The following ITGAE variants were observed in gnomAD, a reference collection of about 807,000 sequenced individuals.
ITGAE encodes the protein integrin subunit alpha E.
In ITGAE, 99 loss-of-function variants were observed where a neutral mutation model predicts 136.5. The ratio of observed to expected loss-of-function variants is 0.73; its 90% CI spans 0.62 to 0.86. The LOEUF is 0.86. Among genes scored for constraint, ITGAE ranks in the 40% least tolerant of loss-of-function variants. ITGAE has a pLI of 0.00. For synonymous variants in ITGAE, 613 were observed against 591.8 expected, an observed-to-expected ratio of 1.04 and a Z score of -0.52; for missense variants, 1,447 against 1,515.3, an observed-to-expected ratio of 0.95 and a Z score of 0.75.
Position 3,755,160 on chromosome 17 carries a change from C to G in ITGAE, c.1341G>C (p.Ala447=), listed in dbSNP as rs761960415. The change falls in exon 12 of 31, where the codon GCG becomes GCC. Residue 447 remains alanine, a synonymous_variant. Coordinates refer to ENST00000263087, the MANE Select transcript of ITGAE (RefSeq NM_002208.5). ...CAGCCTCCGCGTCTGCCGCCGCCGC[C>G]GCTGTCTGGTTCAGGAAGCGGCCCC... ...SRRGRFLNQT[A]AAAADAEAAQ... is the part of the protein sequence containing the mutation. 6.3e-5 allele frequency: 98 copies of G among 1,544,552 alleles called. No homozygotes were observed. Among genetic ancestry groups the G allele is most frequent in the Non-Finnish European group, 8.4e-5 (96 of 1,141,982 alleles).
rs370842879 is a variant in ITGAE, at chr17:3,755,912, G to A, written c.1172-15C>T. On this transcript the variant is annotated splice_polypyrimidine_tract_variant and intron_variant, in intron 10 of 30. Transcript: ENST00000263087. ...TCCAACCGTGCCTGCAAGCCAAGAA[G>A]CCCAGTGAGACTGCTGTGGGCCGAG... The A allele has an allele frequency of 6.3e-6, 10 of 1,587,046 alleles. No individual in the cohort carries two copies. The African/African-American group carries it at 8.0e-5, about 13-fold the overall frequency.
intron 2 of ITGAE, among the ~76,000 whole-genome samples, chr17:3,772,197 A>C (rs1279275685): frequency 6.6e-6 from 1 of 152,096 alleles, no homozygotes; most frequent in Non-Finnish European, 1.5e-5. Context: ...GACGCTGATG[A>C]ACACACCTGC....
intron 1 of ITGAE, among the ~76,000 whole-genome samples, chr17:3,796,108 CCTGTGTGCATCCCT>C (rs2053086117): frequency 8.0e-5 from 2 of 25,058 alleles, no homozygotes; most frequent in African/African-American, 3.2e-4. Context: ...TGTGTGCATC[CCTGTGTGCATCCCT>C]GTGTGTGCAT....
chr17:3,766,060 C>G (rs985058424), intron 2 of ITGAE, among the ~76,000 whole-genome samples: 2 of 152,116 alleles, frequency 1.3e-5, no homozygotes, highest in African/African-American at 4.8e-5. Flanking sequence ...GGGGGTTATC[C>G]TGGATTATCT....
chr17:3,773,762 G>C (rs1335723885), intron 2 of ITGAE, among the ~76,000 whole-genome samples: 2 of 152,134 alleles, frequency 1.3e-5, no homozygotes, highest in Admixed American at 1.3e-4. Flanking sequence ...GGGGTGTGGG[G>C]CTGAAAGTCC....
At chr17:3,716,126 G>A (rs184134611) in intron 30 of ITGAE, among the ~76,000 whole-genome samples, 28 of 151,390 alleles carry the variant, frequency 1.8e-4, no homozygotes, top group African/African-American at 6.3e-4. Flanking sequence ...AGCCGAGATC[G>A]CACCACCGCA....
intron 2 of ITGAE, among the ~76,000 whole-genome samples, chr17:3,772,132 AT>A: frequency 6.6e-6 from 1 of 152,126 alleles, no homozygotes; most frequent in Admixed American, 6.5e-5. Context: ...TGTGCCTGCC[AT>A]CCCCTTCCCG....
intron 2 of ITGAE, among the ~76,000 whole-genome samples, chr17:3,764,522 C>A (rs1198455291): frequency 6.6e-6 from 1 of 152,168 alleles, no homozygotes; most frequent in Non-Finnish European, 1.5e-5. Context: ...TATGGTGAAA[C>A]CCCGTGTCTA....
intron 1 of ITGAE, among the ~76,000 whole-genome samples, chr17:3,786,355 A>C (rs554848899): frequency 5.8e-4 from 88 of 152,268 alleles, no homozygotes; most frequent in Middle Eastern, 3.4e-3. Flanking sequence ...CTACGCCCAG[A>C]TAGCTTCACT....
At chr17:3,764,651 C>T (rs1161074714) in intron 2 of ITGAE, among the ~76,000 whole-genome samples, 1 of 152,070 alleles carries the variant, frequency 6.6e-6, no homozygotes, top group East Asian at 1.9e-4. Flanking sequence ...GAGCGGAGAT[C>T]ACGCCACTGC....
At chr17:3,744,509 C>G (rs1052313017) in intron 18 of ITGAE, among the ~76,000 whole-genome samples, 6 of 148,436 alleles carry the variant, frequency 4.0e-5, no homozygotes, top group African/African-American at 1.5e-4. Flanking sequence ...TGCAGTGGCT[C>G]GATCTTGGCT....
chr17:3,762,737 A>G (rs974154245), intron 3 of ITGAE, among the ~76,000 whole-genome samples: 2 of 149,676 alleles, frequency 1.3e-5, no homozygotes, highest in African/African-American at 2.5e-5. Context: ...AGCTGGGACT[A>G]CGTGTGCCCG....
intron 1 of ITGAE, among the ~76,000 whole-genome samples, chr17:3,783,203 C>A (rs572972592): frequency 6.6e-6 from 1 of 152,182 alleles, no homozygotes; most frequent in Non-Finnish European, 1.5e-5. Flanking sequence ...TGCGGTGGCG[C>A]GATCTTGGCT....
chr17:3,791,953 T>C (rs968733160), intron 1 of ITGAE, among the ~76,000 whole-genome samples: 30 of 152,294 alleles, frequency 2.0e-4, no homozygotes, highest in African/African-American at 7.0e-4. Context: ...CGTTTACCTG[T>C]GTACATGCTT....
intron 26 of ITGAE, chr17:3,725,261 T>A: frequency 6.2e-7 from 1 of 1,614,174 alleles, no homozygotes; most frequent in Non-Finnish European, 8.5e-7. Context: ...CCTCTATGTA[T>A]TTGCTAAGCC....
rs1225241843 is a variant in ITGAE at position 3,760,369 on chromosome 17, C to A, written c.599-82G>T. The stretch of plus-strand genomic sequence containing the variant: ...AGCATGTGTAGGGCATGCACCCCCA[C>A]TGCAGCCCTGACAACCAGCTCAGTT... On this transcript the variant is annotated intron_variant, in intron 6 of 30. Transcript: ENST00000263087. The A allele has an allele frequency of 1.8e-5, 12 of 665,248 alleles. 1 individual carries two copies. Among genetic ancestry groups the A allele is most frequent in the Non-Finnish European group, 2.8e-5 (11 of 386,526 alleles). 41.2% of individuals were successfully genotyped at this position (665,248 alleles called of 1,614,324 possible).
At chr17:3,772,223 C>G (rs980363140) in intron 2 of ITGAE, among the ~76,000 whole-genome samples, 6 of 152,280 alleles carry the variant, frequency 3.9e-5, no homozygotes, top group African/African-American at 7.2e-5. Flanking sequence ...TGCGCCCCCC[C>G]GTACCTCGGA....
At chr17:3,715,905 C>G (rs1248437351) in intron 30 of ITGAE, among the ~76,000 whole-genome samples, 1 of 151,788 alleles carries the variant, frequency 6.6e-6, no homozygotes. Flanking sequence ...GACTGTAATC[C>G]CAGAACTTTG....
At chr17:3,720,581 T>C (rs1475696721) in intron 28 of ITGAE, 179 bp from the exon 29 acceptor site, 2 of 407,640 alleles carry the variant, frequency 4.9e-6, no homozygotes, top group African/African-American at 3.1e-5. Context: ...ATTCTTCAAC[T>C]TCCTTTTTTT....
Sources: gnomAD v4.1 joint callset for allele counts (sites outside exome capture counted in the v4.1 genomes callset) on GRCh38, gnomAD v4.1.1 for gene constraint, MANE v1.5 for transcripts, NCBI Gene and HGNC (gene_info 2026-07-23, HGNC 2026-07-21) for gene names.